Variants in PRIMPOL observed in about 807,000 individuals in gnomAD.
The protein encoded by PRIMPOL is DNA-directed primase/polymerase protein.
A neutral mutation model predicts 63.6 loss-of-function variants in PRIMPOL; 54 were observed. That is an observed-to-expected ratio of 0.85 (90% confidence interval 0.68 to 1.07). The LOEUF is 1.07. PRIMPOL is among the 50% of genes least tolerant of loss of function. The pLI, the probability that PRIMPOL is intolerant of heterozygous loss-of-function variation, is 0.00. For synonymous variants in PRIMPOL, 197 were observed against 220.2 expected (o/e 0.89, Z 0.93); for missense variants, 610 against 648.3 (o/e 0.94, Z 0.64).
At chr4:184,669,674 G>A (rs1289051935) in intron 6 of PRIMPOL, among the ~76,000 whole-genome samples, 3 of 152,192 alleles carry the variant, frequency 2.0e-5, no homozygotes, top group Non-Finnish European at 4.4e-5. Context: ...TCATTGTATA[G>A]TCAAAGGTAA....
chr4:184,683,996 C>G (rs977870562), intron 9 of PRIMPOL, among the ~76,000 whole-genome samples: 1 of 149,880 alleles, frequency 6.7e-6, no homozygotes, highest in Admixed American at 6.6e-5. Context: ...GATAAATTTT[C>G]TTATGTTTAT....
chr4:184,656,809 A>G (rs553592910), intron 2 of PRIMPOL, among the ~76,000 whole-genome samples: 2 of 152,342 alleles, frequency 1.3e-5, no homozygotes, highest in Admixed American at 6.5e-5. Flanking sequence ...CTAAGTATAT[A>G]AAGTACTCAA....
intron 2 of PRIMPOL, among the ~76,000 whole-genome samples, chr4:184,655,649 GT>G (rs1746209472): frequency 6.6e-6 from 1 of 152,066 alleles, no homozygotes; most frequent in East Asian, 1.9e-4. Flanking sequence ...GGAGATTCTG[GT>G]TTTCCTTCCA....
Position 184,661,798 on chromosome 4 carries a change from A to G in PRIMPOL, c.303A>G (p.Glu101=), listed in dbSNP as rs1470313279. Residue 101 remains glutamate, a synonymous_variant, in exon 5 of 14, where the codon GAA becomes GAG. Coordinates refer to ENST00000314970, the MANE Select transcript of PRIMPOL (RefSeq NM_152683.4). ...KSRKNLLHCY[E]VIPENAVCKL... The stretch of plus-strand genomic sequence containing the variant: ...GAAAAAATCTCTTACACTGCTATGA[A>G]GTTATTCCTGAAAATGCTGTGTGCA... The G allele has an allele frequency of 6.2e-7, 1 of 1,611,986 alleles. No homozygotes were observed. Among genetic ancestry groups the G allele is most frequent in the South Asian group, 1.1e-5 (1 of 90,884 alleles).
chr4:184,686,550 A>G (rs972478869), intron 11 of PRIMPOL, among the ~76,000 whole-genome samples: 1 of 152,344 alleles, frequency 6.6e-6, no homozygotes. Flanking sequence ...GAGGGAAAGT[A>G]AAGGATGAAG....
intron 9 of PRIMPOL, among the ~76,000 whole-genome samples, chr4:184,683,554 T>C (rs1756221593): frequency 6.6e-6 from 1 of 152,194 alleles, no homozygotes; most frequent in African/African-American, 2.4e-5. Flanking sequence ...CTGTCCATGA[T>C]CAAAGGCAGG....
rs371213092 is a variant in PRIMPOL at position 184,691,219 on chromosome 4, C to G, written c.1296-280C>G. On this transcript the variant is annotated intron_variant, in intron 11 of 13. Coordinates refer to ENST00000314970, the MANE Select transcript of PRIMPOL (RefSeq NM_152683.4). ...CATTGTGGTCCTGTCCATTTTTGCT[C>G]ACATATTTTGCAGCTGTATTATTTG... The G allele has an allele frequency of 5.2e-5, 15 of 290,930 alleles. No individual in the cohort carries two copies. In the South Asian group the frequency reaches 1.6e-3, roughly 30 times the overall value. The allele number at this position is 290,930 out of a possible 1,614,324, so 18.0% of individuals were successfully genotyped here.
At chr4:184,659,281 A>T (rs552637824) in intron 3 of PRIMPOL, 59 bp from the exon 4 acceptor site, 1 of 1,205,200 alleles carries the variant, frequency 8.3e-7, no homozygotes, top group South Asian at 1.2e-5. Context: ...CAGTAGCTAC[A>T]GTTGAGTTTA....
intron 1 of PRIMPOL, among the ~76,000 whole-genome samples, chr4:184,651,270 A>G (rs370424772): frequency 0.014 from 2,026 of 149,296 alleles, 52 homozygotes; most frequent in African/African-American, 0.049. Context: ...TAGCCTGGGC[A>G]ACAGAGCAAG....
At chr4:184,690,292 A>C (rs2150167489) in intron 11 of PRIMPOL, among the ~76,000 whole-genome samples, 1 of 152,318 alleles carries the variant, frequency 6.6e-6, no homozygotes, top group Admixed American at 6.5e-5. Context: ...AGTTGTTCAC[A>C]ATATTGTTTT....
chr4:184,674,542 C>T (rs991280077), intron 7 of PRIMPOL, among the ~76,000 whole-genome samples: 1 of 152,128 alleles, frequency 6.6e-6, no homozygotes, highest in African/African-American at 2.4e-5. Context: ...GTTGACTCTT[C>T]AACAATGCAG....
rs1192486038 is a variant in PRIMPOL at position 184,665,926 on chromosome 4, A to G, written c.418A>G (p.Lys140Glu). Reference protein sequence around the residue: ...MVALLIEYVCKALQELYGVNC... With the variant: ...MVALLIEYVCEALQELYGVNC... Reference sequence around the variant, plus strand: ...TTACTTGTGTTTTTAGTATGTGTGTAAAGCACTTCAAGAGTTATACGGTGT... The same window carrying G: ...TTACTTGTGTTTTTAGTATGTGTGTGAAGCACTTCAAGAGTTATACGGTGT... The change falls in exon 6 of 14, where the codon AAA becomes GAA. Residue 140 changes from lysine (K) to glutamate (E), a missense_variant. Physicochemically the swap from Lys to Glu is moderately conservative, Grantham distance 56. This residue lies in a region of PRIMPOL where 159 missense variants were observed against 168.9 expected (regional missense o/e 0.94). Transcript: ENST00000314970. 1 of 1,581,798 alleles carries G rather than the reference A, an allele frequency of 6.3e-7. No individual in the cohort carries two copies. Among genetic ancestry groups the G allele is most frequent in the Non-Finnish European group, 8.6e-7 (1 of 1,167,246 alleles).
Position 184,660,311 on chromosome 4 carries a change from G to A in PRIMPOL, c.278+874G>A, listed in dbSNP as rs150086172. 2.6e-3 allele frequency among the ~76,000 whole-genome samples: 399 copies of A among 151,882 alleles called. 2 individuals are homozygous for A. Among genetic ancestry groups the A allele is most frequent in the African/African-American group, 9.3e-3 (383 of 41,378 alleles). On this transcript the variant is annotated intron_variant, in intron 4 of 13. Transcript: ENST00000314970. Reference sequence around the variant, plus strand: ...TTCTCCTGTCTCAGTCTCCCAAGTAGCTGGGATTACAGGTGCCTGCCACCA... The same window carrying A: ...TTCTCCTGTCTCAGTCTCCCAAGTAACTGGGATTACAGGTGCCTGCCACCA...
At chr4:184,669,851 G>C (rs1308903960) in intron 6 of PRIMPOL, among the ~76,000 whole-genome samples, 1 of 152,208 alleles carries the variant, frequency 6.6e-6, no homozygotes, top group Non-Finnish European at 1.5e-5. Context: ...GCCAGAGCCA[G>C]AGGTGCAGAG....
intron 6 of PRIMPOL, among the ~76,000 whole-genome samples, chr4:184,667,375 T>A (rs552205093): frequency 0.019 from 2,889 of 151,410 alleles, 96 homozygotes; most frequent in African/African-American, 0.065. Context: ...CAGTGGCACG[T>A]TCTTGGCTCA....
chr4:184,675,147 G>A (rs191227561), intron 7 of PRIMPOL, among the ~76,000 whole-genome samples: 5 of 152,306 alleles, frequency 3.3e-5, no homozygotes, highest in Admixed American at 1.3e-4. Context: ...TGAGCTCACC[G>A]CAATAGCAAG....
intron 11 of PRIMPOL, among the ~76,000 whole-genome samples, chr4:184,688,034 C>A (rs1757451743): frequency 6.6e-6 from 1 of 152,174 alleles, no homozygotes; most frequent in Admixed American, 6.5e-5. Flanking sequence ...TTATTTGTGT[C>A]ACTATTGTGC....
intron 6 of PRIMPOL, 114 bp from the exon 7 acceptor site, chr4:184,672,059 A>G: frequency 1.9e-6 from 2 of 1,035,766 alleles, no homozygotes; most frequent in Non-Finnish European, 2.9e-6. Context: ...TTTTGAAACC[A>G]GAAATCAAAA....
At chr4:184,690,485 A>T (rs575650253) in intron 11 of PRIMPOL, among the ~76,000 whole-genome samples, 23 of 152,114 alleles carry the variant, frequency 1.5e-4, no homozygotes, top group Non-Finnish European at 4.4e-5. Context: ...TTAGAGACAG[A>T]GTCTCACACT....
Sources: gnomAD v4.1 joint callset for allele counts (sites outside exome capture counted in the v4.1 genomes callset) on GRCh38, gnomAD v4.1.1 for gene constraint, gnomAD v4.1.1 regional missense constraint, MANE v1.5 for transcripts, NCBI Gene and HGNC (gene_info 2026-07-23, HGNC 2026-07-21) for gene names.